MDGA2: variants seen among roughly 807,000 people sequenced by gnomAD.
MDGA2 encodes the protein MAM domain-containing glycosylphosphatidylinositol anchor protein 2.
In MDGA2, 40 loss-of-function variants were observed where a neutral mutation model predicts 117.8. The observed-to-expected ratio is 0.34, with a 90% CI of 0.26 to 0.44. MDGA2 has a LOEUF of 0.44. MDGA2 is among the 20% of genes least tolerant of loss of function. The pLI, the probability that MDGA2 is intolerant of heterozygous loss-of-function variation, is 1.00. For missense variants in MDGA2, 1,123 were observed against 1,250.6 expected (o/e 0.90, Z 1.54); for synonymous variants, 452 against 439.0 (o/e 1.03, Z -0.37).
chr14:47,361,175 T>C (rs1270378981), intron 1 of MDGA2, among the ~76,000 whole-genome samples: 1 of 149,374 alleles, frequency 6.7e-6, no homozygotes, highest in African/African-American at 2.5e-5. Context: ...TATTTCAAAA[T>C]GTCATGTTGT....
chr14:47,379,124 T>C (rs1891548549), intron 1 of MDGA2, among the ~76,000 whole-genome samples: 1 of 152,182 alleles, frequency 6.6e-6, no homozygotes, highest in Admixed American at 6.5e-5. Context: ...CTAAGCTTCA[T>C]AAGTGAAGGA....
intron 1 of MDGA2, among the ~76,000 whole-genome samples, chr14:47,522,877 G>T (rs1481769469): frequency 6.6e-6 from 1 of 152,072 alleles, no homozygotes; most frequent in Admixed American, 6.6e-5. Flanking sequence ...AATCTATTTT[G>T]ATTTAAAATT....
intron 1 of MDGA2, among the ~76,000 whole-genome samples, chr14:47,643,099 T>C (rs1897460430): frequency 6.6e-6 from 1 of 152,080 alleles, no homozygotes; most frequent in Non-Finnish European, 1.5e-5. Context: ...TCTGGATAAA[T>C]CACAATGATT....
intron 7 of MDGA2, among the ~76,000 whole-genome samples, chr14:47,041,975 TAAG>T (rs1396345796): frequency 1.3e-5 from 2 of 151,988 alleles, no homozygotes; most frequent in Non-Finnish European, 2.9e-5. Flanking sequence ...ATAAGAATCA[TAAG>T]AAGCTCAGTA....
intron 2 of MDGA2, among the ~76,000 whole-genome samples, chr14:47,266,561 C>T (rs1273235352): frequency 1.3e-5 from 2 of 152,238 alleles, no homozygotes; most frequent in Admixed American, 6.5e-5. Flanking sequence ...CTGTCAATAT[C>T]TTAATTAAAA....
chr14:46,945,174 T>C (rs1268745680), intron 9 of MDGA2, among the ~76,000 whole-genome samples: 1 of 152,120 alleles, frequency 6.6e-6, no homozygotes, highest in Non-Finnish European at 1.5e-5. Flanking sequence ...TTACGTTTAA[T>C]GTAAAAAGTG....
At chr14:46,956,587 G>C (rs1304141368) in intron 9 of MDGA2, among the ~76,000 whole-genome samples, 1 of 146,416 alleles carries the variant, frequency 6.8e-6, no homozygotes, top group African/African-American at 2.5e-5. Context: ...ATAAACAAAA[G>C]AAAAAAAATT....
intron 3 of MDGA2, among the ~76,000 whole-genome samples, chr14:47,186,233 C>A (rs1440757408): frequency 1.3e-5 from 2 of 151,526 alleles, no homozygotes; most frequent in Non-Finnish European, 3.0e-5. Flanking sequence ...TGTAAAGCAA[C>A]AACTCCCACC....
rs981163912 is a variant in MDGA2, at chr14:47,200,912, G to A, written c.595+17109C>T. 1.8e-5 allele frequency: 15 copies of A among 849,770 alleles called. No individual in the cohort carries two copies. In the African/African-American group the frequency reaches 2.0e-4, roughly 11 times the overall value. The allele number at this position is 849,770 out of a possible 1,614,324, so 52.6% of individuals were successfully genotyped here. On this transcript the variant is annotated intron_variant, in intron 3 of 16. Coordinates refer to ENST00000399232, the MANE Select transcript of MDGA2 (RefSeq NM_001113498.3). The stretch of plus-strand genomic sequence containing the variant: ...GTCCAGAGCGGCCTGGCCTCGCTTG[G>A]TCTTGTGGGGCAGCAAGCCTCGCTC...
intron 1 of MDGA2, among the ~76,000 whole-genome samples, chr14:47,566,936 T>G: frequency 6.6e-6 from 1 of 151,666 alleles, no homozygotes; most frequent in East Asian, 1.9e-4. Flanking sequence ...TGAGAGAAGG[T>G]TTTGCTCTGT....
intron 1 of MDGA2, among the ~76,000 whole-genome samples, chr14:47,578,089 TA>T (rs1232624478): frequency 6.6e-6 from 1 of 152,158 alleles, no homozygotes; most frequent in Non-Finnish European, 1.5e-5. Context: ...TATGCAGCCA[TA>T]AAAAGGAATG....
chr14:46,863,883 T>C (rs1161720913), intron 14 of MDGA2, among the ~76,000 whole-genome samples: 1 of 152,180 alleles, frequency 6.6e-6, no homozygotes, highest in Non-Finnish European at 1.5e-5. Context: ...AACAAGTACC[T>C]GTAAAAAGAG....
chr14:46,974,090 CA>C (rs140951016), intron 8 of MDGA2, among the ~76,000 whole-genome samples: 2 of 150,454 alleles, frequency 1.3e-5, no homozygotes, highest in South Asian at 4.2e-4. Context: ...AAAGAAATTA[CA>C]AAAAAAATCC....
At chr14:47,047,943 C>T (rs1336626986) in intron 7 of MDGA2, among the ~76,000 whole-genome samples, 3 of 151,788 alleles carry the variant, frequency 2.0e-5, no homozygotes, top group African/African-American at 7.3e-5. Context: ...AGGAATAAAC[C>T]TTTTCTAATC....
chr14:47,171,680 T>A (rs976349808), intron 3 of MDGA2, among the ~76,000 whole-genome samples: 2 of 152,150 alleles, frequency 1.3e-5, no homozygotes, highest in African/African-American at 4.8e-5. Context: ...GATGGCCGAA[T>A]AGGAACAGCT....
chr14:47,449,727 G>A (rs1893200702), intron 1 of MDGA2, among the ~76,000 whole-genome samples: 1 of 152,110 alleles, frequency 6.6e-6, no homozygotes, highest in South Asian at 2.1e-4. Flanking sequence ...ATCATGCAGA[G>A]CAAAAGCAAA....
chr14:47,444,221 T>C (rs535333110), intron 1 of MDGA2: 6 of 194,720 alleles, frequency 3.1e-5, no homozygotes, highest in Non-Finnish European at 5.6e-5. Context: ...AAGAGCAGAC[T>C]GTTTTGCCAT....
At position 47,624,195 on chromosome 14, in the gene MDGA2, C is replaced by T. The variant is rs569603970; in HGVS notation, c.280+50322G>A. 9.8e-5 allele frequency among the ~76,000 whole-genome samples: 15 copies of T among 152,288 alleles called. No homozygotes were observed. In the South Asian group the frequency reaches 2.5e-3, roughly 25 times the overall value. ...TTTCTAGGCCGGGTGCGGTAGCTCA[C>T]GCCTGTAATCCCAGCACTTTGAAAG... On this transcript the variant is annotated intron_variant, in intron 1 of 16. Transcript: ENST00000399232.
intron 1 of MDGA2, among the ~76,000 whole-genome samples, chr14:47,578,219 CAG>C (rs1488922380): frequency 1.3e-5 from 2 of 151,646 alleles, no homozygotes; most frequent in Non-Finnish European, 2.9e-5. Flanking sequence ...CAGATGGACA[CAG>C]AGAGGGGAAC....
Sources: gnomAD v4.1 joint callset for allele counts (sites outside exome capture counted in the v4.1 genomes callset) on GRCh38, gnomAD v4.1.1 for gene constraint, MANE v1.5 for transcripts, NCBI Gene and HGNC (gene_info 2026-07-23, HGNC 2026-07-21) for gene names.